Variants in RAVER2 observed in about 807,000 individuals in gnomAD.
The protein encoded by RAVER2 is ribonucleoprotein, PTB binding 2.
RAVER2 carries 46 observed loss-of-function variants against 78.1 expected under a neutral mutation model. The ratio of observed to expected loss-of-function variants is 0.59; its 90% CI spans 0.46 to 0.75. RAVER2 has a LOEUF of 0.75. RAVER2 is among the 30% of genes least tolerant of loss of function. RAVER2 has a pLI of 0.00. For missense variants in RAVER2, 793 were observed against 837.5 expected (o/e 0.95, Z 0.66); for synonymous variants, 311 against 313.3 (o/e 0.99, Z 0.08).
At chr1:64,807,314 C>T (rs761248241) in exon 9 of RAVER2, 5 of 1,614,072 alleles carry the variant, frequency 3.1e-6, no homozygotes, top group Admixed American at 3.3e-5. Flanking sequence ...CACAGTAATA[C>T]TCAGGAGAAA....
At chr1:64,770,453 ATAACT>A (rs1291088947) in intron 2 of RAVER2, among the ~76,000 whole-genome samples, 3 of 152,084 alleles carry the variant, frequency 2.0e-5, no homozygotes, top group African/African-American at 2.4e-5. Flanking sequence ...GTGCTTCCTC[ATAACT>A]TAACCACATC....
chr1:64,830,746 C>T, intron 11 of RAVER2, 93 bp from the exon 12 acceptor site: 1 of 1,195,186 alleles, frequency 8.4e-7, no homozygotes, highest in South Asian at 1.6e-5. Context: ...TCTATATTCA[C>T]CAAGTCAAAG....
At chr1:64,769,209 A>G (rs1012671785) in intron 2 of RAVER2, among the ~76,000 whole-genome samples, 2 of 152,094 alleles carry the variant, frequency 1.3e-5, no homozygotes, top group Non-Finnish European at 2.9e-5. Flanking sequence ...TAATGTAATT[A>G]CTATGTACAC....
chr1:64,800,021 G>A (rs1653214180), intron 5 of RAVER2, among the ~76,000 whole-genome samples: 1 of 151,916 alleles, frequency 6.6e-6, no homozygotes, highest in Non-Finnish European at 1.5e-5. Context: ...TACTGATGTT[G>A]AACATTTTTT....
At chr1:64,817,079 A>G (rs2100892802) in intron 11 of RAVER2, among the ~76,000 whole-genome samples, 1 of 152,338 alleles carries the variant, frequency 6.6e-6, no homozygotes, top group East Asian at 1.9e-4. Flanking sequence ...CAACCCCATC[A>G]AAAAGTGGGC....
chr1:64,809,491 A>AATAAATAC (rs1165046631), intron 9 of RAVER2, among the ~76,000 whole-genome samples: 22 of 148,258 alleles, frequency 1.5e-4, no homozygotes, highest in African/African-American at 5.4e-4. Flanking sequence ...CTAGTGCAAA[A>AATAAATAC]ATAAATAAAT....
intron 1 of RAVER2, among the ~76,000 whole-genome samples, chr1:64,768,016 C>T (rs1167014949): frequency 2.6e-5 from 4 of 151,742 alleles, no homozygotes; most frequent in African/African-American, 9.7e-5. Context: ...GAACTGCATG[C>T]TATGCCTTAG....
At chr1:64,776,119 G>A (rs1652456098) in intron 2 of RAVER2, among the ~76,000 whole-genome samples, 1 of 152,032 alleles carries the variant, frequency 6.6e-6, no homozygotes, top group Admixed American at 6.6e-5. Context: ...AGATTTTATG[G>A]GCTGATACGA....
At chr1:64,764,869 A>G (rs1220383022) in intron 1 of RAVER2, among the ~76,000 whole-genome samples, 2 of 152,234 alleles carry the variant, frequency 1.3e-5, no homozygotes, top group African/African-American at 4.8e-5. Flanking sequence ...CCAACATTAT[A>G]TAAGATAATC....
At chr1:64,756,830 T>C (rs943772779) in intron 1 of RAVER2, among the ~76,000 whole-genome samples, 6 of 152,230 alleles carry the variant, frequency 3.9e-5, no homozygotes, top group African/African-American at 1.4e-4. Context: ...TCTATGACCC[T>C]GATGGTTTTG....
At chr1:64,787,869 T>G (rs547708093) in intron 4 of RAVER2, among the ~76,000 whole-genome samples, 1 of 152,320 alleles carries the variant, frequency 6.6e-6, no homozygotes, top group African/African-American at 2.4e-5. Flanking sequence ...CTTCACATCT[T>G]CTATCTCCCC....
At chr1:64,799,224 A>G (rs1653189076) in intron 5 of RAVER2, among the ~76,000 whole-genome samples, 1 of 152,190 alleles carries the variant, frequency 6.6e-6, no homozygotes, top group African/African-American at 2.4e-5. Context: ...ACTTAATATA[A>G]TGTCCTCCAG....
chr1:64,777,624 T>C (rs767533638), exon 3 of RAVER2: 9 of 1,597,106 alleles, frequency 5.6e-6, no homozygotes, highest in African/African-American at 2.7e-5. Flanking sequence ...ATCTTCCAGC[T>C]TTTGTTACCT....
intron 1 of RAVER2, among the ~76,000 whole-genome samples, chr1:64,755,988 A>G (rs116313311): frequency 1.7e-4 from 26 of 152,058 alleles, no homozygotes; most frequent in African/African-American, 6.0e-4. Flanking sequence ...GCTACCCTCA[A>G]AGTCACACTA....
At chr1:64,814,732 G>C in exon 11 of RAVER2, 1 of 1,565,460 alleles carries the variant, frequency 6.4e-7, no homozygotes, top group Non-Finnish European at 8.7e-7. Flanking sequence ...CTCTTCATAA[G>C]ACTGGAATTG....
chr1:64,780,565 T>C (rs1311986804), intron 3 of RAVER2, among the ~76,000 whole-genome samples: 1 of 152,208 alleles, frequency 6.6e-6, no homozygotes, highest in African/African-American at 2.4e-5. Flanking sequence ...GTATTGGAAA[T>C]GTGTCTTCTC....
At chr1:64,804,993 A>T (rs1408124743) in exon 8 of RAVER2, 1 of 1,613,540 alleles carries the variant, frequency 6.2e-7, no homozygotes, top group Non-Finnish European at 8.5e-7. Flanking sequence ...TTTTGTAGAA[A>T]CCCGGCTTAC....
At chr1:64,801,053 T>C (rs1368351394) in intron 5 of RAVER2, among the ~76,000 whole-genome samples, 1 of 150,248 alleles carries the variant, frequency 6.7e-6, no homozygotes, top group East Asian at 1.9e-4. Context: ...CAGAACCTTT[T>C]CTGGACACTG....
chr1:64,802,972 A>G lies in RAVER2; in HGVS notation c.1106-4A>G. The G allele has an allele frequency of 6.3e-7, 1 of 1,587,776 alleles. No homozygotes were observed. The highest frequency in any genetic ancestry group is 8.6e-7 in the Non-Finnish European group (1 of 1,167,618). ...TTAAAGTTTTTACTTTTATTTTCTC[A>G]AAGCCGTTCTTGGAACACCTCACAG... On this transcript the variant is annotated splice_region_variant and splice_polypyrimidine_tract_variant and intron_variant, in intron 5 of 11. Transcript: ENST00000294428.
Sources: gnomAD v4.1 joint callset for allele counts (sites outside exome capture counted in the v4.1 genomes callset) on GRCh38, gnomAD v4.1.1 for gene constraint, MANE v1.5 for transcripts, NCBI Gene and HGNC (gene_info 2026-07-23, HGNC 2026-07-21) for gene names.